BNIP1: variants seen among roughly 807,000 people sequenced by gnomAD.
BNIP1 encodes the protein BCL2 interacting protein 1, also known as vesicle transport protein SEC20.
In BNIP1, 25 loss-of-function variants were observed where a neutral mutation model predicts 28.5. The ratio of observed to expected loss-of-function variants is 0.88; its 90% CI spans 0.64 to 1.23. The LOEUF (loss-of-function observed/expected upper bound fraction) is 1.23, where lower values mean the gene tolerates loss of function less well. Ranked by LOEUF, BNIP1 falls within the 50% of genes most tolerant of loss-of-function variation. The pLI, the probability that BNIP1 is intolerant of heterozygous loss-of-function variation, is 0.00. For missense variants in BNIP1, 276 were observed against 277.0 expected (o/e 1.00, Z 0.02); for synonymous variants, 118 against 101.7 (o/e 1.16, Z -0.96).
intron 4 of BNIP1, among the ~76,000 whole-genome samples, 199 bp from the exon 5 acceptor site, chr5:173,159,734 G>A (rs1455524401): frequency 6.6e-6 from 1 of 152,178 alleles, no homozygotes; most frequent in African/African-American, 2.4e-5. Flanking sequence ...CTTTACAGAA[G>A]GCAGCACTGG....
At chr5:173,157,940 TTC>T (rs1760250721) in intron 3 of BNIP1, among the ~76,000 whole-genome samples, 2 of 151,440 alleles carry the variant, frequency 1.3e-5, no homozygotes, top group African/African-American at 4.9e-5. Context: ...TTTTTTTTTT[TTC>T]TTGAGAGAAG....
intron 2 of BNIP1, among the ~76,000 whole-genome samples, chr5:173,152,747 ATTTCT>A (rs1367726038): frequency 6.6e-6 from 1 of 152,166 alleles, no homozygotes; most frequent in Non-Finnish European, 1.5e-5. Context: ...ACAGTTGATT[ATTTCT>A]TTTATTCTCT....
intron 5 of BNIP1, among the ~76,000 whole-genome samples, chr5:173,160,535 G>A (rs967434587): frequency 1.3e-5 from 2 of 152,054 alleles, no homozygotes; most frequent in Non-Finnish European, 2.9e-5. Context: ...CGCCCGGCCC[G>A]TATTTCTGTT....
At position 173,146,866 on chromosome 5, in the gene BNIP1, G is replaced by A. The variant is rs773284590; in HGVS notation, c.85G>A (p.Asp29Asn). Residue 29 changes from aspartate to asparagine, a missense_variant and splice_region_variant, in exon 2 of 6, where the codon GAT (aspartate) becomes AAT (asparagine). Physicochemically the swap from Asp to Asn is conservative, Grantham distance 23. Coordinates refer to ENST00000351486, the MANE Select transcript of BNIP1 (RefSeq NM_001205.3). ...FDLEVKALIQ[D>N]IRDCSGPLSA... ...CTTTCATCTGTTCAATGTCTCCTAG[G>A]ATATCCGTGATTGTTCAGGACCCTT... 8 of 1,611,468 alleles carry A rather than the reference G, an allele frequency of 5.0e-6. No homozygotes were observed. The highest frequency in any genetic ancestry group is 5.1e-6 in the Non-Finnish European group (6 of 1,177,686).
intron 3 of BNIP1, among the ~76,000 whole-genome samples, chr5:173,157,566 C>T (rs1208227031): frequency 2.0e-5 from 3 of 152,242 alleles, no homozygotes; most frequent in East Asian, 1.9e-4. Flanking sequence ...AGGCACTCGC[C>T]ATCATGTCCA....
chr5:173,152,857 T>G (rs1760061306), intron 2 of BNIP1, among the ~76,000 whole-genome samples: 1 of 152,190 alleles, frequency 6.6e-6, no homozygotes. Flanking sequence ...ATGTGCAAAT[T>G]GATACGTAAA....
rs559330752 is a variant in BNIP1, at chr5:173,162,394, C to T, written c.491-1331C>T. On this transcript the variant is annotated intron_variant, in intron 5 of 5. Transcript: ENST00000351486. ...ATCCCAGCACTTTGGGAGGCCAAGGCGGGCAGATCACTTGAGGTCAGGAGT... is the reference window on the plus strand; with the variant it reads ...ATCCCAGCACTTTGGGAGGCCAAGGTGGGCAGATCACTTGAGGTCAGGAGT... Among the ~76,000 whole-genome samples, 168 of 152,204 alleles carry T rather than the reference C, an allele frequency of 1.1e-3. 2 individuals are homozygous for T. The South Asian group carries it at 0.015, about 13-fold the overall frequency.
chr5:173,151,057 G>A (rs896454755), intron 2 of BNIP1, among the ~76,000 whole-genome samples: 1 of 151,818 alleles, frequency 6.6e-6, no homozygotes, highest in African/African-American at 2.4e-5. Flanking sequence ...GGCTGGTCTC[G>A]ATCTCCTGAC....
chr5:173,158,825 A>C lies in BNIP1; in HGVS notation c.351A>C (p.Gly117=). The part of the protein sequence containing the change: ...DNLEKAELLQ[G]GDLLRQRKTT... ...TAGAGAAAGCAGAACTTCTTCAGGG[A>C]GGAGATCTCTTAAGGCAAAGGTACC... The change falls in exon 4 of 6, where the codon GGA becomes GGC. Residue 117 remains glycine, a synonymous_variant. Coordinates refer to ENST00000351486, the MANE Select transcript of BNIP1 (RefSeq NM_001205.3). The C allele has an allele frequency of 6.2e-7, 1 of 1,613,848 alleles. No individual in the cohort carries two copies. Among genetic ancestry groups the C allele is most frequent in the Admixed American group, 1.7e-5 (1 of 59,966 alleles).
At chr5:173,155,680 GA>G (rs1760166284) in intron 3 of BNIP1, among the ~76,000 whole-genome samples, 1 of 151,936 alleles carries the variant, frequency 6.6e-6, no homozygotes. Flanking sequence ...GTGACAGAGT[GA>G]GACTCCACCT....
At chr5:173,145,481 A>G (rs1759806092) in intron 1 of BNIP1, among the ~76,000 whole-genome samples, 1 of 152,196 alleles carries the variant, frequency 6.6e-6, no homozygotes, top group Non-Finnish European at 1.5e-5. Context: ...GACTCGCGGC[A>G]AGCTCCGCCT....
Position 173,147,943 on chromosome 5 carries a change from A to G in BNIP1, c.177+985A>G, listed in dbSNP as rs1759887126. Among the ~76,000 whole-genome samples, 4 of 149,262 alleles carry G rather than the reference A, an allele frequency of 2.7e-5. No individual in the cohort carries two copies. The South Asian group carries it at 8.5e-4, about 32-fold the overall frequency. On this transcript the variant is annotated intron_variant, in intron 2 of 5. Coordinates refer to ENST00000351486, the MANE Select transcript of BNIP1 (RefSeq NM_001205.3). ...CTGGGCATGGTGGCACACACCTGTA[A>G]TCTCAGCTACTTAGGAGGCTGAGGC... is the stretch of plus-strand genomic sequence containing the variant.
At chr5:173,149,209 G>A (rs1162378720) in intron 2 of BNIP1, among the ~76,000 whole-genome samples, 1 of 152,178 alleles carries the variant, frequency 6.6e-6, no homozygotes, top group Non-Finnish European at 1.5e-5. Context: ...TTTTCATGCA[G>A]CTGATAAAGA....
Position 173,158,742 on chromosome 5 carries a change from A to G in BNIP1, c.270-2A>G. Reference sequence around the variant, plus strand: ...ACTCACACGTGAACCTTCCAATTCCAGCAATCAGGCCTCATGGAGGAAAGC... The same window carrying G: ...ACTCACACGTGAACCTTCCAATTCCGGCAATCAGGCCTCATGGAGGAAAGC... On this transcript the variant is annotated splice_acceptor_variant, in intron 3 of 5. Coordinates refer to ENST00000351486, the MANE Select transcript of BNIP1 (RefSeq NM_001205.3). LOFTEE classifies it high-confidence loss of function. 6.2e-7 allele frequency: 1 copy of G among 1,612,898 alleles called. No homozygotes were observed. The highest frequency in any genetic ancestry group is 8.5e-7 in the Non-Finnish European group (1 of 1,179,306).
chr5:173,152,188 C>G (rs1360504072), intron 2 of BNIP1, among the ~76,000 whole-genome samples: 1 of 152,202 alleles, frequency 6.6e-6, no homozygotes, highest in East Asian at 1.9e-4. Flanking sequence ...TCCAGGCAAT[C>G]TTTCATGAGT....
Position 173,146,568 on chromosome 5 carries a change from G to A in BNIP1, c.85-298G>A, listed in dbSNP as rs186336197. 1.0e-3 allele frequency among the ~76,000 whole-genome samples: 153 copies of A among 152,276 alleles called. 2 individuals carry two copies. The South Asian group carries it at 0.015, about 15-fold the overall frequency. On this transcript the variant is annotated intron_variant, in intron 1 of 5. Transcript: ENST00000351486. The stretch of plus-strand genomic sequence containing the variant: ...TTGTTGGGCATACAAGCTGTTTTAA[G>A]CTGTTTCCTACTGGCCAGGTAATGT...
chr5:173,153,618 T>C (rs973341159), intron 2 of BNIP1, among the ~76,000 whole-genome samples: 5 of 152,180 alleles, frequency 3.3e-5, no homozygotes, highest in Non-Finnish European at 7.3e-5. Context: ...AAGGAGCAGC[T>C]CCCTGGTTGG....
At chr5:173,151,649 A>G (rs779936660) in intron 2 of BNIP1, 1 of 1,613,424 alleles carries the variant, frequency 6.2e-7, no homozygotes, top group Non-Finnish European at 8.5e-7. Flanking sequence ...ACTTTTCTTC[A>G]ACTCAGCATG....
intron 2 of BNIP1, among the ~76,000 whole-genome samples, chr5:173,147,684 G>T (rs1400040721): frequency 6.6e-6 from 1 of 151,644 alleles, no homozygotes; most frequent in African/African-American, 2.4e-5. Flanking sequence ...TTCAAGTATG[G>T]TATATGTGCT....
Sources: allele counts gnomAD v4.1 joint callset (sites outside exome capture counted in the v4.1 genomes callset), GRCh38; gene constraint gnomAD v4.1.1; transcripts MANE v1.5; gene names NCBI Gene and HGNC (gene_info 2026-07-23, HGNC 2026-07-21).